AHRR: variants seen among roughly 807,000 people sequenced by gnomAD.
AHRR encodes aryl hydrocarbon receptor repressor.
In AHRR, 28 loss-of-function variants were observed where a neutral mutation model predicts 44.0. The ratio of observed to expected loss-of-function variants is 0.64; its 90% confidence interval spans 0.47 to 0.87. The LOEUF (loss-of-function observed/expected upper bound fraction) is 0.87. Ranked by LOEUF, AHRR falls within the 40% of genes least tolerant of loss-of-function variation. The pLI is 0.00. For missense variants in AHRR, 990 were observed against 953.9 expected (o/e 1.04, Z -0.50); for synonymous variants, 434 against 407.0 (o/e 1.07, Z -0.80).
intron 3 of AHRR, 51 bp from the exon 4 acceptor site, chr5:376,559 T>TGTGAATGAATGAGAAC: frequency 4.1e-6 from 1 of 241,104 alleles, no homozygotes; most frequent in Non-Finnish European, 7.4e-6. Flanking sequence ...TGAAGAAGAG[T>TGTGAATGAATGAGAAC]GGCCAGGCCA....
chr5:324,139 A>G (rs1172144471), intron 1 of AHRR, among the ~76,000 whole-genome samples: 1 of 151,048 alleles, frequency 6.6e-6, no homozygotes, highest in South Asian at 2.1e-4. Context: ...GGCTCACTGC[A>G]ACCTCTGCCT....
At chr5:368,281 C>T (rs987217877) in intron 3 of AHRR, among the ~76,000 whole-genome samples, 6 of 152,182 alleles carry the variant, frequency 3.9e-5, no homozygotes, top group African/African-American at 7.2e-5. Flanking sequence ...GCGTGCACCG[C>T]GCACTGTATC....
In AHRR at chr5:405,490, CA is replaced by C; in HGVS notation, c.352-7853del. On this transcript the variant is annotated intron_variant, in intron 4 of 10. Coordinates refer to ENST00000684583, the MANE Select transcript of AHRR (RefSeq NM_001377236.1). This position sits in a 1 kb window ranked among gnomAD's most constrained non-coding sequence, Gnocchi z 4.5. The stretch of plus-strand genomic sequence containing the variant: ...TGACAGCTGGGCAGGGGCTCCCTGA[CA>C]TCTTCCTCCGAGTGGGAGGTGCTTT... Among the ~76,000 whole-genome samples, 1 of 152,336 alleles carries C rather than the reference CA, an allele frequency of 6.6e-6. No homozygotes were observed. The highest frequency in any genetic ancestry group is 2.1e-4 in the South Asian group (1 of 4,826).
rs966478500 is a variant in AHRR at position 419,977 on chromosome 5, A to G, written c.442-2752A>G. Among the ~76,000 whole-genome samples, 55 of 152,198 alleles carry G rather than the reference A, an allele frequency of 3.6e-4. No individual in the cohort carries two copies. The highest frequency in any genetic ancestry group is 1.2e-3 in the African/African-American group (51 of 41,444). On this transcript the variant is annotated intron_variant, in intron 5 of 10. Coordinates refer to ENST00000684583, the MANE Select transcript of AHRR (RefSeq NM_001377236.1). This position sits in a 1 kb window ranked among gnomAD's most constrained non-coding sequence, Gnocchi z 4.4. ...TCCTTGTGGATCCCCTTTTCTGGCC[A>G]TCGGGATGTGGATGTGCATTTGTTA...
rs1432598317 is a variant in AHRR at position 370,528 on chromosome 5, C to G, written c.245-6082C>G. ...ATTTTCACCAAGGTCATCCGCCACC[C>G]CCAGGACCCTGAGAGTCTCACAGTG... On this transcript the variant is annotated intron_variant, in intron 3 of 10. Coordinates refer to ENST00000684583, the MANE Select transcript of AHRR (RefSeq NM_001377236.1). This position sits in a 1 kb window ranked among gnomAD's most constrained non-coding sequence, Gnocchi z 4.5. 6.6e-6 allele frequency among the ~76,000 whole-genome samples: 1 copy of G among 152,106 alleles called. No homozygotes were observed. Among genetic ancestry groups the G allele is most frequent in the Non-Finnish European group, 1.5e-5 (1 of 68,020 alleles).
chr5:432,369 T>G, intron 8 of AHRR, 94 bp from the exon 9 acceptor site: 1 of 1,239,412 alleles, frequency 8.1e-7, no homozygotes, highest in Non-Finnish European at 1.2e-6. Flanking sequence ...CAGCAATACC[T>G]GTCATTATTA....
At chr5:403,505 G>C (rs764027447) in intron 4 of AHRR, among the ~76,000 whole-genome samples, 2 of 151,848 alleles carry the variant, frequency 1.3e-5, no homozygotes, top group South Asian at 2.1e-4. Flanking sequence ...GTGTGGTGGC[G>C]CATGCCTGTA....
intron 1 of AHRR, among the ~76,000 whole-genome samples, chr5:324,923 T>C (rs958302976): frequency 6.6e-6 from 1 of 152,218 alleles, no homozygotes; most frequent in African/African-American, 2.4e-5. Context: ...AGGGAATATT[T>C]ATCTGCTTCT....
rs35756515 is a variant in AHRR, at chr5:434,104, C to G, written c.1364C>G (p.Pro455Arg). The G allele has an allele frequency of 6.2e-7, 1 of 1,613,094 alleles. No individual in the cohort carries two copies. The highest frequency in any genetic ancestry group is 8.5e-7 in the Non-Finnish European group (1 of 1,179,940). ...RNSPISHPPS[P>R]SPSAYSSRTS... is the part of the protein sequence containing the mutation. ...TCGCCCATCTCTCACCCGCCGAGCCCGTCCCCCAGTGCCTACTCCAGCCGG... is the reference window on the plus strand; with the variant it reads ...TCGCCCATCTCTCACCCGCCGAGCCGGTCCCCCAGTGCCTACTCCAGCCGG... The change falls in exon 11 of 11, where the codon CCG becomes CGG. Residue 455 changes from proline (P) to arginine (R), a missense_variant. Pro to Arg is a moderately radical substitution (Grantham distance 103, BLOSUM62 -2). Transcript: ENST00000684583.
chr5:426,620 C>CAGAT (rs142240127), intron 7 of AHRR, among the ~76,000 whole-genome samples: 62,335 of 141,186 alleles, frequency 0.44, 13,467 homozygotes, highest in Non-Finnish European at 0.5. Context: ...GATGGATGGA[C>CAGAT]GGATGGGTGG....
chr5:341,532 CTTT>C (rs35385059), intron 1 of AHRR, among the ~76,000 whole-genome samples: 3 of 103,740 alleles, frequency 2.9e-5, no homozygotes, highest in Non-Finnish European at 3.8e-5. Context: ...CCTTTTCCTT[CTTT>C]TTTTTTTTTT....
intron 1 of AHRR, among the ~76,000 whole-genome samples, chr5:327,173 T>C (rs576767005): frequency 6.6e-6 from 1 of 152,260 alleles, no homozygotes; most frequent in East Asian, 1.9e-4. Flanking sequence ...CATGTTTTCA[T>C]GCGTTGAACA....
rs1736192384 is a variant in AHRR, at chr5:422,777, C to T, written c.490C>T (p.Arg164Cys). ...TTATGACTACATCCACGTGGACGAC[C>T]GCCAGGACTTCTGCCGGCAGCTCCA... is the stretch of plus-strand genomic sequence containing the variant. ...NIYDYIHVDD[R>C]QDFCRQLHWA... Residue 164 changes from arginine (R) to cysteine (C), a missense_variant, in exon 6 of 11, where the codon CGC becomes TGC. Coordinates refer to ENST00000684583, the MANE Select transcript of AHRR (RefSeq NM_001377236.1). 6.2e-7 allele frequency: 1 copy of T among 1,614,148 alleles called. No individual in the cohort carries two copies. The highest frequency in any genetic ancestry group is 1.3e-5 in the African/African-American group (1 of 75,038).
intron 7 of AHRR, among the ~76,000 whole-genome samples, chr5:424,510 TGTG>T (rs1308249855): frequency 6.6e-6 from 1 of 152,102 alleles, no homozygotes. Context: ...CCGGCGATGG[TGTG>T]GGGCTGTGAC....
chr5:415,404 GTCGGGTGGGAGGCCTAGGGGCCGAA>G (rs1468553930), intron 5 of AHRR, among the ~76,000 whole-genome samples: 19 of 138,588 alleles, frequency 1.4e-4, no homozygotes, highest in East Asian at 2.4e-4. Context: ...AGTCTGCCTG[GTCGGGTGGGAGGCCTAGGGGCCGAA>G]TCTGCCTGGT....
Position 354,933 on chromosome 5 carries a change from C to T in AHRR, c.244+1022C>T, listed in dbSNP as rs1014971897. Among the ~76,000 whole-genome samples the T allele has an allele frequency of 3.9e-5, 6 of 152,206 alleles. No homozygotes were observed. In the South Asian group the frequency reaches 6.2e-4, roughly 16 times the overall value. ...AGTCACGGTGATGCCCAGCATCACG[C>T]GCCGTGTCCTGCCAGTGCCGGCCCC... is the stretch of plus-strand genomic sequence containing the variant. On this transcript the variant is annotated intron_variant, in intron 3 of 10. Transcript: ENST00000684583.
intron 7 of AHRR, 124 bp from the exon 8 acceptor site, chr5:427,683 C>G (rs1736502304): frequency 6.2e-7 from 1 of 1,613,440 alleles, no homozygotes; most frequent in African/African-American, 1.3e-5. Flanking sequence ...TGTCCCGAGC[C>G]ACTCATGGTG....
Position 403,881 on chromosome 5 carries a change from A to G in AHRR, c.352-9463A>G, listed in dbSNP as rs1735140527. The G allele has an allele frequency of 3.8e-6, 6 of 1,589,716 alleles. No homozygotes were observed. The East Asian group carries it at 1.3e-4, about 36-fold the overall frequency. On this transcript the variant is annotated intron_variant, in intron 4 of 10. Transcript: ENST00000684583. ...ACATTAAAGCTTTTCCTCCTTGAAC[A>G]GCTTGTGGCCTAGATGAGAATGTAG...
intron 7 of AHRR, 67 bp from the exon 8 acceptor site, chr5:427,740 G>C (rs763203978): frequency 6.2e-7 from 1 of 1,612,814 alleles, no homozygotes; most frequent in East Asian, 2.2e-5. Flanking sequence ...CTTGAGTTCT[G>C]TGTCCTGTGA....
Sources: gnomAD v4.1 joint callset for allele counts (sites outside exome capture counted in the v4.1 genomes callset) on GRCh38, gnomAD v4.1.1 for gene constraint, Gnocchi (gnomAD v3.1) non-coding constraint, MANE v1.5 for transcripts, NCBI Gene and HGNC (gene_info 2026-07-23, HGNC 2026-07-21) for gene names.